Variants in DLG2 observed in about 807,000 individuals in gnomAD.
DLG2 encodes disks large homolog 2.
DLG2 carries 45 observed loss-of-function variants against 132.5 expected under a neutral mutation model. The observed-to-expected ratio is 0.34, with a 90% CI of 0.27 to 0.44. The LOEUF is 0.44. Ranked by LOEUF, DLG2 falls within the 20% of genes least tolerant of loss-of-function variation. DLG2 has a pLI of 1.00. For synonymous variants in DLG2, 424 were observed against 419.6 expected, an observed-to-expected ratio of 1.01 and a Z score of -0.13; for missense variants, 1,045 against 1,196.9, an observed-to-expected ratio of 0.87 and a Z score of 1.87.
At chr11:84,469,782 CA>C (rs145866628) in intron 7 of DLG2, among the ~76,000 whole-genome samples, 8 of 151,248 alleles carry the variant, frequency 5.3e-5, no homozygotes, top group African/African-American at 7.3e-5. Context: ...TATGGAAAGA[CA>C]AAAAATATAG....
chr11:84,509,973 C>A (rs1005991055), intron 7 of DLG2, among the ~76,000 whole-genome samples: 64 of 151,664 alleles, frequency 4.2e-4, no homozygotes, highest in Admixed American at 3.2e-3. Flanking sequence ...TGAAGAAGCA[C>A]ACCAAATTCA....
intron 5 of DLG2, among the ~76,000 whole-genome samples, chr11:85,127,125 G>A (rs142788782): frequency 6.6e-6 from 1 of 151,942 alleles, no homozygotes; most frequent in Non-Finnish European, 1.5e-5. Flanking sequence ...TTTGTGACAG[G>A]GTGCTGATCT....
At chr11:84,825,875 T>C (rs11234194) in intron 6 of DLG2, among the ~76,000 whole-genome samples, 42,304 of 151,756 alleles carry the variant, frequency 0.28, 6,369 homozygotes, top group Middle Eastern at 0.34. Context: ...AATGCTGTTT[T>C]GTTACCCTTT....
At chr11:84,228,459 G>A (rs1167954852) in intron 8 of DLG2, among the ~76,000 whole-genome samples, 2 of 152,054 alleles carry the variant, frequency 1.3e-5, no homozygotes, top group African/African-American at 2.4e-5. Flanking sequence ...ACTATGTATT[G>A]CCAATTTATA....
chr11:84,176,783 G>A (rs980556685), intron 8 of DLG2, among the ~76,000 whole-genome samples: 1 of 151,984 alleles, frequency 6.6e-6, no homozygotes, highest in Non-Finnish European at 1.5e-5. Flanking sequence ...TAAGTATTCT[G>A]TCACAGGGTC....
At chr11:84,595,398 C>T (rs546417561) in intron 6 of DLG2, among the ~76,000 whole-genome samples, 2 of 152,016 alleles carry the variant, frequency 1.3e-5, no homozygotes, top group African/African-American at 4.8e-5. Context: ...CAGGCATGAG[C>T]CACTGCACCT....
chr11:84,965,687 A>T (rs137948555), intron 6 of DLG2, among the ~76,000 whole-genome samples: 178 of 152,232 alleles, frequency 1.2e-3, no homozygotes, highest in African/African-American at 4.1e-3. Context: ...TTCCACAGAC[A>T]GCCTTGTGAG....
intron 6 of DLG2, among the ~76,000 whole-genome samples, chr11:84,797,418 G>A (rs920048195): frequency 6.6e-6 from 1 of 152,000 alleles, no homozygotes; most frequent in Non-Finnish European, 1.5e-5. Context: ...ATTCTTTTTT[G>A]TATGTTTGTT....
chr11:84,192,557 T>C (rs1234851110), intron 8 of DLG2, among the ~76,000 whole-genome samples: 1 of 151,924 alleles, frequency 6.6e-6, no homozygotes, highest in South Asian at 2.1e-4. Flanking sequence ...GGTGAAATCC[T>C]GTCTCTAATA....
At position 84,375,068 on chromosome 11, in the gene DLG2, A is replaced by G. The variant is rs577331539; in HGVS notation, c.520-123777T>C. Among the ~76,000 whole-genome samples the G allele has an allele frequency of 3.0e-4, 45 of 152,300 alleles. 1 individual carries two copies. In the East Asian group the frequency reaches 3.3e-3, roughly 11 times the overall value. On this transcript the variant is annotated intron_variant, in intron 7 of 27. Transcript: ENST00000376104. ...CCAAATTTAAAGTTACTACCTCGAGAAACTCTGTCTTTAAAAAGCTGTCTC... is the reference window on the plus strand; with the variant it reads ...CCAAATTTAAAGTTACTACCTCGAGGAACTCTGTCTTTAAAAAGCTGTCTC...
intron 3 of DLG2, among the ~76,000 whole-genome samples, chr11:85,301,425 G>A (rs992469440): frequency 1.3e-5 from 2 of 152,116 alleles, no homozygotes; most frequent in Non-Finnish European, 2.9e-5. Context: ...GGATGGATGT[G>A]TAAAGCAAAT....
intron 15 of DLG2, among the ~76,000 whole-genome samples, chr11:83,907,164 A>G (rs2075158508): frequency 6.6e-6 from 1 of 152,154 alleles, no homozygotes; most frequent in Admixed American, 6.6e-5. Context: ...ATGAGAGAAC[A>G]TTTAATGTGG....
intron 3 of DLG2, among the ~76,000 whole-genome samples, chr11:85,535,637 G>T (rs2075530447): frequency 6.6e-6 from 1 of 152,088 alleles, no homozygotes; most frequent in Non-Finnish European, 1.5e-5. Flanking sequence ...CTAGATATAT[G>T]CCCAAGAGAA....
chr11:83,988,572 G>C (rs376039688), intron 11 of DLG2, among the ~76,000 whole-genome samples: 2 of 152,054 alleles, frequency 1.3e-5, no homozygotes, highest in South Asian at 2.1e-4. Flanking sequence ...TTGTTTGTGT[G>C]ATCTCTGATT....
intron 4 of DLG2, among the ~76,000 whole-genome samples, chr11:85,216,853 G>A (rs567601965): frequency 1.6e-4 from 25 of 152,002 alleles, no homozygotes; most frequent in Non-Finnish European, 2.9e-4. Flanking sequence ...CTGCCACCAC[G>A]CCCAGCTAAT....
intron 6 of DLG2, among the ~76,000 whole-genome samples, chr11:85,057,398 T>G (rs1188537245): frequency 1.3e-5 from 2 of 151,512 alleles, no homozygotes; most frequent in African/African-American, 4.8e-5. Flanking sequence ...ATAAACAACT[T>G]TATGCCAATT....
intron 6 of DLG2, among the ~76,000 whole-genome samples, chr11:84,739,494 A>G (rs961448245): frequency 6.6e-6 from 1 of 152,210 alleles, no homozygotes; most frequent in Non-Finnish European, 1.5e-5. Flanking sequence ...GTTCACTCCT[A>G]TGAGCACTTT....
intron 2 of DLG2, among the ~76,000 whole-genome samples, chr11:85,604,285 CT>C (rs1411941929): frequency 7.9e-5 from 12 of 152,164 alleles, no homozygotes; most frequent in African/African-American, 2.9e-4. Context: ...TTTTATGCTG[CT>C]TTTGATTATT....
intron 15 of DLG2, among the ~76,000 whole-genome samples, chr11:83,884,754 A>C (rs1305586954): frequency 7.2e-5 from 11 of 152,186 alleles, no homozygotes. Context: ...CAAAACTTCC[A>C]GAGGAACGAT....
Sources: gnomAD v4.1 joint callset for allele counts (sites outside exome capture counted in the v4.1 genomes callset) on GRCh38, gnomAD v4.1.1 for gene constraint, MANE v1.5 for transcripts, NCBI Gene and HGNC (gene_info 2026-07-23, HGNC 2026-07-21) for gene names.